Variants in SOX5 observed in about 807,000 individuals in gnomAD.
The protein encoded by SOX5 is SRY-box transcription factor 5, also known as transcription factor SOX-5.
Under a neutral mutation model 92.0 loss-of-function variants are expected in SOX5, and 9 were observed. That is an observed-to-expected ratio of 0.10 (90% CI 0.06 to 0.17). SOX5 has a LOEUF of 0.17. Ranked by LOEUF, SOX5 falls within the 10% of genes least tolerant of loss-of-function variation. SOX5 has a pLI of 1.00. For missense variants in SOX5, 642 were observed against 944.5 expected, an observed-to-expected ratio of 0.68 and a Z score of 4.20; for synonymous variants, 344 against 336.3, an observed-to-expected ratio of 1.02 and a Z score of -0.25.
Position 23,786,866 on chromosome 12 carries a change from T to C in SOX5, c.482-31142A>G, listed in dbSNP as rs183652810. ...AAAACTTAAAATTATGCAAATAATATCTATTAACATGTTTTTTTCTTTTTC... is the reference window on the plus strand; with the variant it reads ...AAAACTTAAAATTATGCAAATAATACCTATTAACATGTTTTTTTCTTTTTC... On this transcript the variant is annotated intron_variant, in intron 3 of 14. Transcript: ENST00000451604. 1.7e-3 allele frequency among the ~76,000 whole-genome samples: 245 copies of C among 146,078 alleles called. 23 individuals carry two copies. Among genetic ancestry groups the C allele is most frequent in the Admixed American group, 5.4e-3 (81 of 14,918 alleles).
chr12:23,943,471 A>G (rs776771215), intron 1 of SOX5, among the ~76,000 whole-genome samples: 7 of 152,080 alleles, frequency 4.6e-5, no homozygotes, highest in Non-Finnish European at 8.8e-5. Flanking sequence ...AATGTGGTTC[A>G]TAATAACCAG....
chr12:24,318,680 C>T (rs911752838), intron 2 of SOX5, among the ~76,000 whole-genome samples: 1 of 152,090 alleles, frequency 6.6e-6, no homozygotes, highest in Non-Finnish European at 1.5e-5. Flanking sequence ...AATAATGGTA[C>T]CCAACTTATG....
At chr12:24,427,644 C>T (rs146271722) in intron 1 of SOX5, among the ~76,000 whole-genome samples, 168 of 152,294 alleles carry the variant, frequency 1.1e-3, no homozygotes, top group African/African-American at 3.9e-3. Flanking sequence ...CTAAAAATGG[C>T]AACATTAAAT....
In SOX5 at chr12:24,017,315, C is replaced by G. The variant is rs139318290; in HGVS notation, c.-1-121291G>C. Reference sequence around the variant, plus strand: ...AACTAAGCTGGAGAAAATCACGCAACAGGTTATGTGTGGTGGTTCATGCCT... The same window carrying G: ...AACTAAGCTGGAGAAAATCACGCAAGAGGTTATGTGTGGTGGTTCATGCCT... On this transcript the variant is annotated intron_variant, in intron 4 of 4. Transcript: ENST00000446891. Among the ~76,000 whole-genome samples the G allele has an allele frequency of 7.9e-3, 1,205 of 152,206 alleles. 11 individuals carry two copies. The highest frequency in any genetic ancestry group is 0.012 in the Non-Finnish European group (795 of 68,014).
At chr12:23,691,945 C>A (rs1473796916) in intron 6 of SOX5, among the ~76,000 whole-genome samples, 1 of 151,804 alleles carries the variant, frequency 6.6e-6, no homozygotes, top group Non-Finnish European at 1.5e-5. Context: ...TCCTTAATTT[C>A]TTGAGTGGAC....
intron 4 of SOX5, among the ~76,000 whole-genome samples, chr12:24,113,580 T>A (rs1434791873): frequency 6.6e-6 from 1 of 152,118 alleles, no homozygotes; most frequent in Non-Finnish European, 1.5e-5. Context: ...TCTTCTCCAA[T>A]CTTTCAGAGA....
intron 1 of SOX5, among the ~76,000 whole-genome samples, chr12:23,932,135 C>T (rs921620770): frequency 1.3e-5 from 2 of 151,342 alleles, no homozygotes; most frequent in African/African-American, 4.8e-5. Flanking sequence ...GATCTAATTA[C>T]AATCTTAAGT....
chr12:23,950,157 T>C (rs146045617), upstream of SOX5, among the ~76,000 whole-genome samples: 36 of 152,172 alleles, frequency 2.4e-4, no homozygotes, highest in African/African-American at 7.7e-4. Context: ...ATTTATTAAC[T>C]AATTAAGCAA....
rs11047048 is a variant in SOX5, at chr12:23,685,324, T to C, written c.811-19760A>G. ...CTCACGGTTAGAGAAATCCTAAGTA[T>C]AGTAAACAGCAAAGTTCTGGTTTTT... On this transcript the variant is annotated intron_variant, in intron 6 of 14. Transcript: ENST00000451604. 0.014 allele frequency among the ~76,000 whole-genome samples: 2,071 copies of C among 152,184 alleles called. 100 individuals are homozygous for C. In the East Asian group the frequency reaches 0.17, roughly 12 times the overall value.
intron 4 of SOX5, among the ~76,000 whole-genome samples, chr12:23,978,502 C>T (rs1220369468): frequency 6.6e-6 from 1 of 152,174 alleles, no homozygotes; most frequent in African/African-American, 2.4e-5. Flanking sequence ...CTGGTTTGTG[C>T]TATATATCGT....
At chr12:24,465,934 CATT>C (rs1364637786) in intron 1 of SOX5, among the ~76,000 whole-genome samples, 2 of 152,226 alleles carry the variant, frequency 1.3e-5, no homozygotes, top group Non-Finnish European at 2.9e-5. Context: ...CACTCCCTTA[CATT>C]ACTTTCTACC....
chr12:24,158,101 C>A (rs1952380882), intron 4 of SOX5, among the ~76,000 whole-genome samples: 1 of 151,956 alleles, frequency 6.6e-6, no homozygotes, highest in African/African-American at 2.4e-5. Context: ...CAGGAAAAAT[C>A]CAACACATTT....
rs1382012212 is a variant in SOX5, at chr12:24,403,520, CTTATT to C, written c.-250-34886_-250-34882del. Among the ~76,000 whole-genome samples, 4 of 152,284 alleles carry C rather than the reference CTTATT, an allele frequency of 2.6e-5. No individual in the cohort carries two copies. The East Asian group carries it at 7.7e-4, about 29-fold the overall frequency. On this transcript the variant is annotated intron_variant, in intron 1 of 4. Transcript: ENST00000446891. ...CTTACACTGTGAGCATTTTTTTACT[CTTATT>C]TTAAAATATTAGTGTGCAGCTGTAT...
intron 9 of SOX5, chr12:23,582,140 A>ATGTGCAC (rs1381286581): frequency 1.0e-6 from 1 of 984,996 alleles, no homozygotes; most frequent in Non-Finnish European, 1.2e-6. Flanking sequence ...GAATTGCATA[A>ATGTGCAC]TGTGCACTGT....
chr12:23,906,193 T>C (rs2097291697), intron 1 of SOX5, among the ~76,000 whole-genome samples: 1 of 152,242 alleles, frequency 6.6e-6, no homozygotes, highest in Non-Finnish European at 1.5e-5. Context: ...GAAAAATATG[T>C]TTAACCTTCA....
At chr12:24,262,472 G>T (rs188203884) in intron 3 of SOX5, among the ~76,000 whole-genome samples, 1 of 152,164 alleles carries the variant, frequency 6.6e-6, no homozygotes, top group Non-Finnish European at 1.5e-5. Context: ...ATGTTGTGGA[G>T]CAATAAATTT....
chr12:23,877,492 C>T (rs2096940401), intron 2 of SOX5, among the ~76,000 whole-genome samples: 1 of 152,052 alleles, frequency 6.6e-6, no homozygotes, highest in South Asian at 2.1e-4. Flanking sequence ...GATTCTCAAC[C>T]TTATTAATAA....
chr12:23,708,732 A>G (rs77841495), intron 6 of SOX5, among the ~76,000 whole-genome samples: 1,876 of 152,310 alleles, frequency 0.012, 27 homozygotes, highest in African/African-American at 0.043. Flanking sequence ...CAAAATCAAT[A>G]CACGCACAAC....
At chr12:23,868,852 T>C (rs1245391784) in intron 2 of SOX5, among the ~76,000 whole-genome samples, 3 of 152,098 alleles carry the variant, frequency 2.0e-5, no homozygotes, top group Non-Finnish European at 2.9e-5. Context: ...GTTCATGAGA[T>C]AGGATTTTTA....
Sources: allele counts gnomAD v4.1 joint callset (sites outside exome capture counted in the v4.1 genomes callset), GRCh38; gene constraint gnomAD v4.1.1; transcripts MANE v1.5; gene names NCBI Gene and HGNC (gene_info 2026-07-23, HGNC 2026-07-21).